Variants in MVB12A observed in about 807,000 individuals in gnomAD.
MVB12A encodes multivesicular body subunit 12A.
Under a neutral mutation model 34.3 loss-of-function variants are expected in MVB12A, and 30 were observed. The observed-to-expected ratio is 0.88, with a 90% CI of 0.65 to 1.19. The LOEUF is 1.19. Ranked by LOEUF, MVB12A falls within the 50% of genes most tolerant of loss-of-function variation. MVB12A has a pLI of 0.00. For missense variants in MVB12A, 355 were observed against 369.2 expected, an observed-to-expected ratio of 0.96 and a Z score of 0.31; for synonymous variants, 158 against 158.9, an observed-to-expected ratio of 0.99 and a Z score of 0.04.
chr19:17,405,791 T>A lies in MVB12A; in HGVS notation c.-225+20T>A, dbSNP rs1599595426. On this transcript the variant is annotated intron_variant, in intron 1 of 6. Transcript: ENST00000528604. ...AAGGAGGTGGGCTTTTTTTTCACCCTGCTTTAAAAGCCCTTGGGCCCTTCC... is the reference window on the plus strand; with the variant it reads ...AAGGAGGTGGGCTTTTTTTTCACCCAGCTTTAAAAGCCCTTGGGCCCTTCC... 1.0e-5 allele frequency: 5 copies of A among 496,406 alleles called. No homozygotes were observed. The East Asian group carries it at 1.7e-4, about 17-fold the overall frequency. 30.8% of individuals were successfully genotyped at this position (496,406 alleles called of 1,614,324 possible). A position where few individuals can be genotyped will look rare whatever the true frequency, so the allele number is the denominator to read the frequency against.
upstream of MVB12A, chr19:17,417,213 C>CTTTTTTTTTTTTTTTTTTTTTTTTTTTTT (rs35583565): frequency 1.0e-5 from 1 of 96,548 alleles, no homozygotes; most frequent in African/African-American, 4.6e-5. Context: ...TCACCCAGAG[C>CTTTTTTTTTTTTTTTTTTTTTTTTTTTTT]TTTTTTTTTT....
chr19:17,423,444 C>A, intron 4 of MVB12A, 54 bp from the exon 5 acceptor site: 1 of 1,589,542 alleles, frequency 6.3e-7, no homozygotes, highest in Admixed American at 1.7e-5. Context: ...GGGCTATCCT[C>A]AACCCTGGCC....
At chr19:17,410,495 T>TATA (rs1252681143) in intron 2 of MVB12A, among the ~76,000 whole-genome samples, 6 of 55,174 alleles carry the variant, frequency 1.1e-4, no homozygotes, top group African/African-American at 5.6e-4. Flanking sequence ...TGGTTTTAGC[T>TATA]TCATATATAT....
chr19:17,414,746 A>AT (rs1408265147), intron 2 of MVB12A: 1 of 151,732 alleles, frequency 6.6e-6, no homozygotes, highest in African/African-American at 2.4e-5. Context: ...GCGTGTGTCT[A>AT]TAATCCCAGC....
chr19:17,417,805 T>A, upstream of MVB12A: 1 of 283,488 alleles, frequency 3.5e-6, no homozygotes, highest in Non-Finnish European at 7.4e-6. Flanking sequence ...AAATTTGGAC[T>A]TCTCTTTCAC....
At chr19:17,423,449 C>T in intron 4 of MVB12A, 49 bp from the exon 5 acceptor site, 2 of 1,597,396 alleles carry the variant, frequency 1.3e-6, no homozygotes, top group Non-Finnish European at 1.7e-6. Flanking sequence ...ATCCTCAACC[C>T]TGGCCCCACA....
In MVB12A at chr19:17,424,670, AGGAGGAGGTGGGTGCAGGGCTAG is replaced by A; in HGVS notation, c.759+27_759+49del. ...ACCATCAAGTCTCTGGCGGACATTG[AGGAGGAGGTGGGTGCAGGGCTAG>A]GGAGGAGGTGGGTGCAGGGCTAGGG... On this transcript the variant is annotated splice_donor_variant and splice_donor_5th_base_variant and coding_sequence_variant and intron_variant, in exon 8 of 9. Coordinates refer to ENST00000317040, the MANE Select transcript of MVB12A (RefSeq NM_138401.4). LOFTEE classifies it high-confidence loss of function. 63 of 1,610,024 alleles carry A rather than the reference AGGAGGAGGTGGGTGCAGGGCTAG, an allele frequency of 3.9e-5. No individual in the cohort carries two copies. Among genetic ancestry groups the A allele is most frequent in the South Asian group, 9.9e-5 (9 of 90,696 alleles).
upstream of MVB12A, chr19:17,419,882 G>A (rs1425128626): frequency 2.8e-6 from 1 of 360,008 alleles, no homozygotes; most frequent in Non-Finnish European, 4.9e-6. Flanking sequence ...CGGAAAGCCG[G>A]CAAGACCTTT....
At chr19:17,407,922 C>T (rs1046581295) in intron 2 of MVB12A, among the ~76,000 whole-genome samples, 4 of 152,220 alleles carry the variant, frequency 2.6e-5, no homozygotes, top group African/African-American at 9.6e-5. Context: ...CAGACGCTGG[C>T]GTCACCGCTA....
In MVB12A at chr19:17,422,597, C is replaced by T. The variant is rs1021826739; in HGVS notation, c.413+139C>T. 4.0e-5 allele frequency: 31 copies of T among 766,392 alleles called. No individual in the cohort carries two copies. The African/African-American group carries it at 4.1e-4, about 10-fold the overall frequency. The allele number at this position is 766,392 out of a possible 1,614,324, so 47.5% of individuals were successfully genotyped here. A position where few individuals can be genotyped will look rare whatever the true frequency, so the allele number is the denominator to read the frequency against. ...AGCCTCAGATTCTGCATGTTAAAAC[C>T]GGGACATATATATCATCTTGTAGGA... is the stretch of plus-strand genomic sequence containing the variant. On this transcript the variant is annotated intron_variant, in intron 4 of 8. Coordinates refer to ENST00000317040, the MANE Select transcript of MVB12A (RefSeq NM_138401.4).
rs919287659 is a variant in MVB12A, at chr19:17,424,380, G to A, written c.703-241G>A. On this transcript the variant is annotated intron_variant, in intron 7 of 8. Coordinates refer to ENST00000317040, the MANE Select transcript of MVB12A (RefSeq NM_138401.4). The stretch of plus-strand genomic sequence containing the variant: ...GTGGATCACTTGAGGCCAGGAGATC[G>A]AGACCAGCCTGGCCAACATGGTGAA... Among the ~76,000 whole-genome samples, 62 of 152,150 alleles carry A rather than the reference G, an allele frequency of 4.1e-4. 1 individual carries two copies. The highest frequency in any genetic ancestry group is 2.1e-4 in the South Asian group (1 of 4,830).
chr19:17,422,381 G>C lies in MVB12A; in HGVS notation c.336G>C (p.Leu112=). Residue 112 remains leucine, a synonymous_variant, in exon 4 of 9, where the codon CTG becomes CTC. Transcript: ENST00000317040. The stretch of plus-strand genomic sequence containing the variant: ...GCATGTGTGTGAAGCTGTTGCCCCT[G>C]GGAGCCACGGACACGGCTGTGTTTG... ...KKRMCVKLLP[L]GATDTAVFDV... 1.2e-6 allele frequency: 2 copies of C among 1,613,618 alleles called. No individual in the cohort carries two copies. Among genetic ancestry groups the C allele is most frequent in the Non-Finnish European group, 1.7e-6 (2 of 1,179,750 alleles).
At chr19:17,417,213 C>CGTTTTTTTTTT (rs2074805847), upstream of MVB12A, 1 of 96,548 alleles carries the variant, frequency 1.0e-5, no homozygotes, top group African/African-American at 4.6e-5. Context: ...TCACCCAGAG[C>CGTTTTTTTTTT]TTTTTTTTTT....
intron 2 of MVB12A, among the ~76,000 whole-genome samples, chr19:17,410,529 T>TATATATATATACACAC: frequency 2.7e-5 from 2 of 74,472 alleles, no homozygotes; most frequent in African/African-American, 1.3e-4. Flanking sequence ...TATATATATA[T>TATATATATATACACAC]ACACACACAC....
chr19:17,406,718 G>C (rs992268042), intron 2 of MVB12A, among the ~76,000 whole-genome samples: 1 of 152,164 alleles, frequency 6.6e-6, no homozygotes, highest in Admixed American at 6.5e-5. Context: ...GCTGAGGCAG[G>C]AGGATCACTC....
At chr19:17,418,814 G>C (rs2074817798), upstream of MVB12A, 1 of 141,282 alleles carries the variant, frequency 7.1e-6, no homozygotes, top group Non-Finnish European at 1.5e-5. Context: ...TCCCACCTCA[G>C]CCTCCCTGTT....
chr19:17,406,222 G>C (rs536345797), exon 2 of MVB12A: 1 of 152,128 alleles, frequency 6.6e-6, no homozygotes, highest in Non-Finnish European at 1.5e-5. Context: ...AAACAATGTC[G>C]GTCTCTGTCT....
intron 2 of MVB12A, among the ~76,000 whole-genome samples, chr19:17,408,338 C>G (rs1292875323): frequency 6.6e-6 from 1 of 150,886 alleles, no homozygotes; most frequent in Non-Finnish European, 1.5e-5. Context: ...GCCAGTAGTT[C>G]GAGACCAGCC....
chr19:17,411,394 G>T (rs931928860), intron 2 of MVB12A, among the ~76,000 whole-genome samples: 3 of 150,422 alleles, frequency 2.0e-5, no homozygotes, highest in Non-Finnish European at 3.0e-5. Flanking sequence ...TTGTTCTGTC[G>T]CCCAGGCTGG....
Sources: allele counts gnomAD v4.1 joint callset (sites outside exome capture counted in the v4.1 genomes callset), GRCh38; gene constraint gnomAD v4.1.1; transcripts MANE v1.5; gene names NCBI Gene and HGNC (gene_info 2026-07-23, HGNC 2026-07-21).